The following SYNDIG1L variants were observed in gnomAD, a reference collection of about 807,000 sequenced individuals.
SYNDIG1L encodes synapse differentiation-inducing gene protein 1-like.
In SYNDIG1L, 13 loss-of-function variants were observed where a neutral mutation model predicts 20.1. The ratio of observed to expected loss-of-function variants is 0.65; its 90% CI spans 0.42 to 1.03. The LOEUF (loss-of-function observed/expected upper bound fraction) is 1.03, where lower values mean the gene tolerates loss of function less well. Ranked by LOEUF, SYNDIG1L falls within the 50% of genes least tolerant of loss-of-function variation. The pLI, the probability that SYNDIG1L is intolerant of heterozygous loss-of-function variation, is 0.00. For missense variants in SYNDIG1L, 294 were observed against 305.1 expected, an observed-to-expected ratio of 0.96 and a Z score of 0.27; for synonymous variants, 128 against 129.3, an observed-to-expected ratio of 0.99 and a Z score of 0.07.
chr14:74,458,515 G>A, the SYNDIG1L span, among the ~76,000 whole-genome samples: 1 of 151,448 alleles, frequency 6.6e-6, no homozygotes, highest in African/African-American at 2.4e-5. Flanking sequence ...CCAGCTACTC[G>A]GGAGGCTGAG....
chr14:74,418,739 C>A (rs2086197726), intron 1 of SYNDIG1L, among the ~76,000 whole-genome samples: 1 of 152,156 alleles, frequency 6.6e-6, no homozygotes, highest in African/African-American at 2.4e-5. Flanking sequence ...CTGAGGCCAC[C>A]ATGCTGGAAA....
At chr14:74,467,281 A>G in the SYNDIG1L span, among the ~76,000 whole-genome samples, 6 of 152,026 alleles carry the variant, frequency 3.9e-5, no homozygotes, top group African/African-American at 1.5e-4. Flanking sequence ...ATTTCCTTTC[A>G]GAAGCTTGAG....
At chr14:74,470,179 A>T in the SYNDIG1L span, among the ~76,000 whole-genome samples, 1,947 of 143,314 alleles carry the variant, frequency 0.014, 38 homozygotes, top group African/African-American at 0.044. Flanking sequence ...TTCCCTTTTT[A>T]AAAAAAAAAA....
At chr14:74,431,660 C>T in the SYNDIG1L span, among the ~76,000 whole-genome samples, 1 of 152,008 alleles carries the variant, frequency 6.6e-6, no homozygotes, top group Non-Finnish European at 1.5e-5. Context: ...CCACTGTCTA[C>T]CCCAGAAATC....
chr14:74,458,521 C>T, the SYNDIG1L span, among the ~76,000 whole-genome samples: 1 of 150,488 alleles, frequency 6.6e-6, no homozygotes, highest in Non-Finnish European at 1.5e-5. Context: ...ACTCGGGAGG[C>T]TGAGGCAGAA....
At chr14:74,476,523 T>C in the SYNDIG1L span, 27 of 1,535,674 alleles carry the variant, frequency 1.8e-5, no homozygotes, top group African/African-American at 3.0e-4. Flanking sequence ...TTAGTCTCCA[T>C]TTGCAACTGC....
chr14:74,423,976 G>A (rs2086245214), intron 1 of SYNDIG1L, among the ~76,000 whole-genome samples: 1 of 152,070 alleles, frequency 6.6e-6, no homozygotes, highest in Admixed American at 6.6e-5. Context: ...TCACACTTAT[G>A]GCTTTCCCAG....
chr14:74,416,445 G>A (rs190469152), intron 1 of SYNDIG1L, among the ~76,000 whole-genome samples: 2 of 152,192 alleles, frequency 1.3e-5, no homozygotes, highest in East Asian at 1.9e-4. Context: ...ACCAGCCTGG[G>A]CGATATAATG....
At chr14:74,408,244 AG>A (rs1595193097) in intron 2 of SYNDIG1L, among the ~76,000 whole-genome samples, 1 of 152,196 alleles carries the variant, frequency 6.6e-6, no homozygotes, top group East Asian at 1.9e-4. Context: ...TGTTCATCAT[AG>A]GATAGCAATT....
the SYNDIG1L span, among the ~76,000 whole-genome samples, chr14:74,435,293 A>G: frequency 5.9e-5 from 9 of 152,250 alleles, no homozygotes; most frequent in South Asian, 2.1e-4. Flanking sequence ...TTTGGTGCCA[A>G]TGGACAAGCA....
the SYNDIG1L span, among the ~76,000 whole-genome samples, chr14:74,470,309 A>G: frequency 6.6e-6 from 1 of 152,146 alleles, no homozygotes; most frequent in Non-Finnish European, 1.5e-5. Flanking sequence ...ATGGCATCTC[A>G]AAAGCATTTG....
At chr14:74,470,991 G>A in the SYNDIG1L span, among the ~76,000 whole-genome samples, 21 of 152,154 alleles carry the variant, frequency 1.4e-4, no homozygotes, top group African/African-American at 4.6e-4. Context: ...TGTTAAAAAC[G>A]GACACAGCCC....
In SYNDIG1L at chr14:74,407,572, G is replaced by A; in HGVS notation, c.680C>T (p.Ala227Val). The A allele has an allele frequency of 6.2e-7, 1 of 1,614,056 alleles. No homozygotes were observed. Among genetic ancestry groups the A allele is most frequent in the African/African-American group, 1.3e-5 (1 of 75,064 alleles). ...GTTCTGGGACATGTAAGCTGCCAGA[G>A]CCACCACCACAGCCACGTAGAGACC... The part of the protein sequence containing the change: ...GAGLYVAVVV[A>V]LAAYMSQNGH... Residue 227 changes from alanine to valine, a missense_variant, in exon 4 of 4, where the codon GCT (alanine) becomes GTT (valine). Coordinates refer to ENST00000331628, the MANE Select transcript of SYNDIG1L (RefSeq NM_001105579.2).
chr14:74,477,908 T>C, the SYNDIG1L span, among the ~76,000 whole-genome samples: 25 of 152,246 alleles, frequency 1.6e-4, 1 homozygote, highest in Admixed American at 1.6e-3. Flanking sequence ...CACGGGGGCG[T>C]CTGTGAACTG....
chr14:74,466,363 T>G, the SYNDIG1L span, among the ~76,000 whole-genome samples: 1 of 152,100 alleles, frequency 6.6e-6, no homozygotes, highest in Non-Finnish European at 1.5e-5. Flanking sequence ...GATGGATGGA[T>G]AAATGGATGC....
At chr14:74,451,216 A>G in the SYNDIG1L span, among the ~76,000 whole-genome samples, 2 of 152,248 alleles carry the variant, frequency 1.3e-5, no homozygotes, top group African/African-American at 4.8e-5. Context: ...GTTGGCATCA[A>G]GACAGAAAAA....
At chr14:74,464,368 A>C in the SYNDIG1L span, among the ~76,000 whole-genome samples, 4 of 152,210 alleles carry the variant, frequency 2.6e-5, no homozygotes, top group Admixed American at 1.3e-4. Flanking sequence ...TATGGTATTG[A>C]GATGATCTAA....
At chr14:74,459,729 A>C in the SYNDIG1L span, among the ~76,000 whole-genome samples, 3 of 152,152 alleles carry the variant, frequency 2.0e-5, no homozygotes, top group Non-Finnish European at 4.4e-5. Context: ...TAGTTGGCCA[A>C]AGCCCCCCAC....
At chr14:74,433,498 C>T in the SYNDIG1L span, among the ~76,000 whole-genome samples, 2 of 152,088 alleles carry the variant, frequency 1.3e-5, no homozygotes, top group East Asian at 3.9e-4. Flanking sequence ...ATTCTCGTGC[C>T]TCAGCCTCTC....
Sources: allele counts gnomAD v4.1 joint callset (sites outside exome capture counted in the v4.1 genomes callset), GRCh38; gene constraint gnomAD v4.1.1; transcripts MANE v1.5; gene names NCBI Gene and HGNC (gene_info 2026-07-23, HGNC 2026-07-21).